CATSPERT: variants seen among roughly 807,000 people sequenced by gnomAD.
The protein encoded by CATSPERT is catsper channel auxiliary subunit tau, also known as cation channel sperm-associated targeting subunit tau.
chr2:201,520,996 C>G, the CATSPERT span, among the ~76,000 whole-genome samples: 1 of 151,190 alleles, frequency 6.6e-6, no homozygotes, highest in African/African-American at 2.4e-5. Context: ...ATTTGAAAAC[C>G]TAGAGGAAAT....
the CATSPERT span, among the ~76,000 whole-genome samples, chr2:201,611,931 C>A: frequency 6.6e-6 from 1 of 152,154 alleles, no homozygotes; most frequent in Non-Finnish European, 1.5e-5. Flanking sequence ...ATTCACTTTG[C>A]AGACAGGATG....
At chr2:201,594,436 T>C in the CATSPERT span, among the ~76,000 whole-genome samples, 1 of 152,212 alleles carries the variant, frequency 6.6e-6, no homozygotes, top group African/African-American at 2.4e-5. Flanking sequence ...TCAACTTTGG[T>C]GAATCTGACC....
chr2:201,515,210 T>TG, the CATSPERT span, among the ~76,000 whole-genome samples: 1 of 16,776 alleles, frequency 6.0e-5, no homozygotes, highest in Non-Finnish European at 1.1e-4. Flanking sequence ...TAGTTTTTTT[T>TG]TTTTTTTTTT....
the CATSPERT span, among the ~76,000 whole-genome samples, chr2:201,590,864 T>C: frequency 6.6e-6 from 1 of 151,520 alleles, no homozygotes; most frequent in Admixed American, 6.6e-5. Flanking sequence ...TTGAGTTCAT[T>C]GTAGATTCTG....
the CATSPERT span, among the ~76,000 whole-genome samples, chr2:201,612,490 C>T: frequency 1.3e-5 from 2 of 148,680 alleles, no homozygotes; most frequent in Non-Finnish European, 3.0e-5. Context: ...AGGAGAATCA[C>T]TTGAACCCGG....
At chr2:201,574,279 T>A in the CATSPERT span, 4 of 1,598,784 alleles carry the variant, frequency 2.5e-6, no homozygotes, top group East Asian at 9.1e-5. Flanking sequence ...GCAGACAAAC[T>A]AAACATGTGA....
At chr2:201,536,197 A>G in the CATSPERT span, 1 of 1,613,142 alleles carries the variant, frequency 6.2e-7, no homozygotes. Context: ...GTGCACAATG[A>G]GTGCACTTCT....
the CATSPERT span, among the ~76,000 whole-genome samples, chr2:201,608,799 A>G: frequency 6.6e-6 from 1 of 151,256 alleles, no homozygotes; most frequent in African/African-American, 2.4e-5. Context: ...CCTCTGTGAC[A>G]GAGTAAGATC....
chr2:201,507,603 T>C, the CATSPERT span, among the ~76,000 whole-genome samples: 10 of 152,248 alleles, frequency 6.6e-5, no homozygotes, highest in South Asian at 1.0e-3. Context: ...GTCATAGAAA[T>C]AGGCAAAATT....
At chr2:201,611,596 A>C in the CATSPERT span, among the ~76,000 whole-genome samples, 1 of 152,212 alleles carries the variant, frequency 6.6e-6, no homozygotes, top group Admixed American at 6.5e-5. Context: ...GCAGAAGAAA[A>C]AAATAATAAA....
the CATSPERT span, among the ~76,000 whole-genome samples, chr2:201,552,558 T>C: frequency 1.3e-5 from 2 of 152,218 alleles, no homozygotes; most frequent in African/African-American, 4.8e-5. Context: ...TTTGCACTTT[T>C]TGTAAAACAT....
the CATSPERT span, chr2:201,535,628 A>G: frequency 8.9e-7 from 1 of 1,122,590 alleles, no homozygotes; most frequent in African/African-American, 1.6e-5. Flanking sequence ...AATTTGTATT[A>G]CTGGCATCTC....
chr2:201,537,500 G>T, the CATSPERT span: 3 of 1,537,306 alleles, frequency 2.0e-6, no homozygotes, highest in Non-Finnish European at 2.6e-6. Flanking sequence ...AATTAATAGG[G>T]GTATTTTATT....
At chr2:201,556,008 C>T in the CATSPERT span, 1 of 152,202 alleles carries the variant, frequency 6.6e-6, no homozygotes, top group African/African-American at 2.4e-5. Flanking sequence ...CTACTCCTAT[C>T]ACTTAATGAC....
the CATSPERT span, among the ~76,000 whole-genome samples, chr2:201,612,581 G>GAA: frequency 0.012 from 1,284 of 111,054 alleles, 29 homozygotes; most frequent in African/African-American, 0.034. Context: ...CTCCATCTTG[G>GAA]AAAAAAAAAA....
the CATSPERT span, among the ~76,000 whole-genome samples, chr2:201,616,522 A>C: frequency 6.6e-6 from 1 of 152,264 alleles, no homozygotes; most frequent in East Asian, 1.9e-4. Flanking sequence ...TCATGCTAAA[A>C]ACTCTCAATA....
At chr2:201,491,938 TC>T in the CATSPERT span, 1 of 1,536,902 alleles carries the variant, frequency 6.5e-7, no homozygotes, top group African/African-American at 1.4e-5. Flanking sequence ...TGTAAGTATT[TC>T]TGATGACTTA....
At chr2:201,556,044 G>T in the CATSPERT span, 2 of 151,942 alleles carry the variant, frequency 1.3e-5, no homozygotes, top group African/African-American at 4.8e-5. Context: ...CCTACATACT[G>T]TTTTTAAAAA....
At chr2:201,493,746 C>A in the CATSPERT span, 1 of 1,537,216 alleles carries the variant, frequency 6.5e-7, no homozygotes, top group Non-Finnish European at 8.7e-7. Context: ...ATATTTGCCT[C>A]ATAATGTAGT....
Sources: allele counts gnomAD v4.1 joint callset (sites outside exome capture counted in the v4.1 genomes callset), GRCh38; gene constraint gnomAD v4.1.1; transcripts MANE v1.5; gene names NCBI Gene and HGNC (gene_info 2026-07-23, HGNC 2026-07-21).